Variants in PRKCZ observed in about 807,000 individuals in gnomAD.
The protein encoded by PRKCZ is protein kinase C zeta.
A neutral mutation model predicts 79.5 loss-of-function variants in PRKCZ; 33 were observed. That is an observed-to-expected ratio of 0.41 (90% confidence interval 0.31 to 0.55). The LOEUF (loss-of-function observed/expected upper bound fraction) is 0.55. Among genes scored for constraint, PRKCZ ranks in the 20% least tolerant of loss-of-function variants. The pLI is 0.19. For synonymous variants in PRKCZ, 342 were observed against 320.9 expected, an observed-to-expected ratio of 1.07 and a Z score of -0.70; for missense variants, 578 against 813.5, an observed-to-expected ratio of 0.71 and a Z score of 3.52.
chr1:2,056,679 A>G, intron 3 of PRKCZ, 106 bp downstream of exon 3: 1 of 1,018,246 alleles, frequency 9.8e-7, no homozygotes, highest in Non-Finnish European at 1.4e-6. Context: ...CTATGATGCC[A>G]GAGAATTTAG....
chr1:2,148,890 C>T lies in PRKCZ; in HGVS notation c.653C>T (p.Ser218Phe), dbSNP rs371023344. 6.2e-7 allele frequency: 1 copy of T among 1,613,988 alleles called. No homozygotes were observed. The highest frequency in any genetic ancestry group is 1.1e-5 in the South Asian group (1 of 91,080). Reference sequence around the variant, plus strand: ...TCACCAGTTGCTTACATTTCCTCATCCCGGAAGCATGACAGCATTAAAGAC... The same window carrying T: ...TCACCAGTTGCTTACATTTCCTCATTCCGGAAGCATGACAGCATTAAAGAC... ...ETDGIAYISSSRKHDSIKDDS... is the reference protein window; with the variant it reads ...ETDGIAYISSFRKHDSIKDDS... The change falls in exon 8 of 18, where the codon TCC becomes TTC. Residue 218 changes from serine to phenylalanine, a missense_variant. Physicochemically the swap from Ser to Phe is radical, Grantham distance 155. This residue lies in a region of PRKCZ where 91 missense variants were observed against 97.5 expected (regional missense o/e 0.93). Coordinates refer to ENST00000378567, the MANE Select transcript of PRKCZ (RefSeq NM_002744.6).
In PRKCZ at chr1:2,094,321, T is replaced by C. The variant is rs1352389200; in HGVS notation, c.334+34730T>C. Among the ~76,000 whole-genome samples, 4 of 152,146 alleles carry C rather than the reference T, an allele frequency of 2.6e-5. No individual in the cohort carries two copies. The highest frequency in any genetic ancestry group is 9.7e-5 in the African/African-American group (4 of 41,414). Reference sequence around the variant, plus strand: ...TACCATGATGGTGCCTGGGATGCTGTGTGGTGCCCGTGGGCAGTGGCGGAG... The same window carrying C: ...TACCATGATGGTGCCTGGGATGCTGCGTGGTGCCCGTGGGCAGTGGCGGAG... On this transcript the variant is annotated intron_variant, in intron 4 of 17. Coordinates refer to ENST00000378567, the MANE Select transcript of PRKCZ (RefSeq NM_002744.6). This position sits in a 1 kb window ranked among gnomAD's most constrained non-coding sequence, Gnocchi z 7.3.
At chr1:2,156,235 TTTG>T (rs1681023237) in intron 10 of PRKCZ, 143 bp downstream of exon 10, 5 of 676,490 alleles carry the variant, frequency 7.4e-6, no homozygotes, top group Non-Finnish European at 1.3e-5. Context: ...GCAGACTCTC[TTTG>T]TTGTTCTCCT....
chr1:2,163,517 G>C (rs955350782), intron 10 of PRKCZ, among the ~76,000 whole-genome samples: 7 of 152,252 alleles, frequency 4.6e-5, no homozygotes, highest in Non-Finnish European at 1.0e-4. Context: ...GAAGCTGAGA[G>C]AAGATGACCG....
intron 10 of PRKCZ, among the ~76,000 whole-genome samples, chr1:2,158,080 G>C (rs1304636311): frequency 6.6e-6 from 1 of 150,470 alleles, no homozygotes; most frequent in Non-Finnish European, 1.5e-5. Context: ...AGCCACCTCT[G>C]TCTGTCGGAA....
intron 4 of PRKCZ, among the ~76,000 whole-genome samples, chr1:2,093,895 G>A (rs890101917): frequency 3.9e-5 from 6 of 152,168 alleles, no homozygotes; most frequent in African/African-American, 1.2e-4. Flanking sequence ...GTCCGCGGCC[G>A]TCAGCGTTGC....
chr1:2,171,101 C>T (rs1356520480), intron 11 of PRKCZ, among the ~76,000 whole-genome samples: 6 of 152,050 alleles, frequency 3.9e-5, no homozygotes, highest in Non-Finnish European at 5.9e-5. Flanking sequence ...GAGGCCAAGG[C>T]GGGCGGATCA....
At chr1:2,152,438 A>G (rs1264319448) in intron 9 of PRKCZ, among the ~76,000 whole-genome samples, 2 of 152,198 alleles carry the variant, frequency 1.3e-5, no homozygotes. Context: ...AGGCTGAGAC[A>G]GGAGAATCGC....
chr1:2,180,480 G>T (rs1172626210), intron 16 of PRKCZ, among the ~76,000 whole-genome samples: 1 of 151,948 alleles, frequency 6.6e-6, no homozygotes, highest in Non-Finnish European at 1.5e-5. Context: ...AGACGACGCG[G>T]ACGCACAGAC....
At chr1:2,068,777 G>A (rs758953611) in intron 4 of PRKCZ, among the ~76,000 whole-genome samples, 5 of 152,304 alleles carry the variant, frequency 3.3e-5, no homozygotes, top group South Asian at 4.1e-4. Context: ...CCAGGCCCCC[G>A]CCCCGTGAGA....
intron 10 of PRKCZ, among the ~76,000 whole-genome samples, chr1:2,159,963 C>T (rs915247086): frequency 6.6e-6 from 1 of 152,192 alleles, no homozygotes; most frequent in Non-Finnish European, 1.5e-5. Flanking sequence ...AGGACACTTT[C>T]TCACTAAGGC....
chr1:2,084,205 ACTC>A (rs551733635), intron 4 of PRKCZ, among the ~76,000 whole-genome samples: 552 of 152,314 alleles, frequency 3.6e-3, no homozygotes, highest in Middle Eastern at 6.8e-3. Context: ...GCACCACTGC[ACTC>A]CAGCCTGGGC....
At chr1:2,180,756 C>T (rs554081017) in intron 16 of PRKCZ, among the ~76,000 whole-genome samples, 4 of 152,284 alleles carry the variant, frequency 2.6e-5, no homozygotes, top group East Asian at 1.9e-4. Flanking sequence ...GCTCTCTGGG[C>T]GTTTCCTGTG....
At chr1:2,155,473 C>T (rs62642594) in intron 9 of PRKCZ, among the ~76,000 whole-genome samples, 1 of 148,206 alleles carries the variant, frequency 6.7e-6, no homozygotes, top group Non-Finnish European at 1.5e-5. Flanking sequence ...GTGATGATGA[C>T]GGTGGTGATG....
chr1:2,118,713 C>CTGTGTGTGTG (rs770283606), intron 4 of PRKCZ, among the ~76,000 whole-genome samples: 4,853 of 120,568 alleles, frequency 0.04, 162 homozygotes, highest in East Asian at 0.076. Flanking sequence ...CACACCAGCT[C>CTGTGTGTGTG]TGTGTGTGTG....
At chr1:2,069,052 C>A (rs1288655147) in intron 4 of PRKCZ, among the ~76,000 whole-genome samples, 1 of 152,224 alleles carries the variant, frequency 6.6e-6, no homozygotes, top group African/African-American at 2.4e-5. Flanking sequence ...TGGCCTGGTT[C>A]CTGCTGGTCA....
In PRKCZ at chr1:2,059,580, C is replaced by T. The variant is rs200172323; in HGVS notation, c.323C>T (p.Pro108Leu). 2.8e-5 allele frequency: 46 copies of T among 1,614,212 alleles called. No homozygotes were observed. The highest frequency in any genetic ancestry group is 2.2e-4 in the Admixed American group (13 of 60,032). The part of the protein sequence containing the change: ...STPEQPGLPC[P>L]GEDKSIYRRG... ...CCTGAGCAGCCTGGCCTGCCATGTC[C>T]GGGAGAAGACAGTGAGTACTGGGGT... The change falls in exon 4 of 18, where the codon CCG becomes CTG. Residue 108 changes from proline (P) to leucine (L), a missense_variant. Around this residue, in one of 4 missense-constraint regions of PRKCZ, gnomAD observed 228 missense variants for 211.6 expected, o/e 1.08. Coordinates refer to ENST00000378567, the MANE Select transcript of PRKCZ (RefSeq NM_002744.6).
At position 2,055,507 on chromosome 1, in the gene PRKCZ, CAT is replaced by C. The variant is rs776749483; in HGVS notation, c.139_140del (p.Met47ValfsTer19). 1.9e-4 allele frequency: 301 copies of C among 1,614,114 alleles called. No individual in the cohort carries two copies. Among genetic ancestry groups the C allele is most frequent in the African/African-American group, 3.2e-4 (24 of 75,042 alleles). On this transcript the variant is annotated frameshift_variant, in exon 2 of 18. Transcript: ENST00000378567. LOFTEE classifies it high-confidence loss of function. Reference sequence around the variant, plus strand: ...AGGAGCTCTGTGAGGAAGTGAGAGACATGTGTCGTCTGCACCAGCAGCACCCG... The same window carrying C: ...AGGAGCTCTGTGAGGAAGTGAGAGACGTGTCGTCTGCACCAGCAGCACCCG... Reference protein sequence around the residue: ...FEELCEEVRDMCRLHQQHPLT... With the variant: ...FEELCEEVRDXCRLHQQHPLT...
intron 4 of PRKCZ, chr1:2,073,621 C>T (rs1374966212): frequency 5.1e-6 from 5 of 989,342 alleles, no homozygotes; most frequent in African/African-American, 1.7e-5. Context: ...GTGACGTCAG[C>T]GTCAGCTCCT....
Sources: allele counts gnomAD v4.1 joint callset (sites outside exome capture counted in the v4.1 genomes callset), GRCh38; gene constraint gnomAD v4.1.1; regional missense constraint gnomAD v4.1.1; non-coding constraint Gnocchi (gnomAD v3.1); transcripts MANE v1.5; gene names NCBI Gene and HGNC (gene_info 2026-07-23, HGNC 2026-07-21).